NCOA2: variants seen among roughly 807,000 people sequenced by gnomAD.
NCOA2 encodes the protein nuclear receptor coactivator 2, also known as class E basic helix-loop-helix protein 75.
In NCOA2, 21 loss-of-function variants were observed where a neutral mutation model predicts 145.1. The ratio of observed to expected loss-of-function variants is 0.14; its 90% CI spans 0.10 to 0.21. The LOEUF (loss-of-function observed/expected upper bound fraction) is 0.21. Among genes scored for constraint, NCOA2 ranks in the 10% least tolerant of loss-of-function variants. The pLI, the probability that NCOA2 is intolerant of heterozygous loss-of-function variation, is 1.00. For synonymous variants in NCOA2, 619 were observed against 637.5 expected, an observed-to-expected ratio of 0.97 and a Z score of 0.44; for missense variants, 1,472 against 1,837.6, an observed-to-expected ratio of 0.80 and a Z score of 3.64.
intron 1 of NCOA2, among the ~76,000 whole-genome samples, chr8:70,401,098 C>T (rs1338671856): frequency 6.6e-6 from 1 of 151,034 alleles, no homozygotes; most frequent in South Asian, 2.1e-4. Flanking sequence ...AACACACACA[C>T]ACATACACAC....
At chr8:70,128,300 A>G in intron 18 of NCOA2, 133 bp downstream of exon 18, 1 of 695,346 alleles carries the variant, frequency 1.4e-6, no homozygotes, top group Non-Finnish European at 2.5e-6. Flanking sequence ...CTAGTAGGTA[A>G]CTAGATGACA....
rs181852976 is a variant in NCOA2 at position 70,185,903 on chromosome 8, T to G, written c.260-11044A>C. Among the ~76,000 whole-genome samples the G allele has an allele frequency of 3.8e-3, 572 of 152,332 alleles. 4 individuals carry two copies. The highest frequency in any genetic ancestry group is 0.013 in the African/African-American group (527 of 41,584). On this transcript the variant is annotated intron_variant, in intron 4 of 22. Coordinates refer to ENST00000452400, the MANE Select transcript of NCOA2 (RefSeq NM_006540.4). ...GGCAGAGTTTACCATTTCTTGTGAT[T>G]CTCCAACTGCCATTATTTGTTGTGT...
chr8:70,200,768 T>C (rs1180932775), intron 4 of NCOA2, among the ~76,000 whole-genome samples: 2 of 152,070 alleles, frequency 1.3e-5, no homozygotes, highest in Non-Finnish European at 2.9e-5. Flanking sequence ...AAAATGTGAA[T>C]GTAAGGCCAG....
intron 1 of NCOA2, among the ~76,000 whole-genome samples, chr8:70,356,883 A>G (rs1211615716): frequency 1.3e-5 from 2 of 152,236 alleles, no homozygotes; most frequent in African/African-American, 4.8e-5. Flanking sequence ...ATAACAGGGA[A>G]CATCATTAAT....
At chr8:70,393,676 C>T (rs969657021) in intron 1 of NCOA2, among the ~76,000 whole-genome samples, 6 of 152,210 alleles carry the variant, frequency 3.9e-5, no homozygotes, top group African/African-American at 1.2e-4. Flanking sequence ...AGGCCCAGTT[C>T]CTTCCTGCCC....
At chr8:70,244,976 A>G (rs1822488937) in intron 2 of NCOA2, 1 of 152,096 alleles carries the variant, frequency 6.6e-6, no homozygotes, top group African/African-American at 2.4e-5. Flanking sequence ...AACATTACCA[A>G]ATATTAAGTC....
At chr8:70,263,745 A>G (rs1824341238) in intron 2 of NCOA2, among the ~76,000 whole-genome samples, 1 of 152,010 alleles carries the variant, frequency 6.6e-6, no homozygotes, top group East Asian at 2.0e-4. Context: ...AAAACAAACA[A>G]ACAAAATCAC....
At chr8:70,449,460 C>A in the NCOA2 span, among the ~76,000 whole-genome samples, 857 of 152,280 alleles carry the variant, frequency 5.6e-3, 8 homozygotes, top group Non-Finnish European at 8.9e-3. Flanking sequence ...TATGCAGGAA[C>A]TCAAGGCTAG....
At chr8:70,427,566 G>A in the NCOA2 span, among the ~76,000 whole-genome samples, 3 of 152,110 alleles carry the variant, frequency 2.0e-5, no homozygotes, top group Non-Finnish European at 2.9e-5. Context: ...CAAATAGCTC[G>A]ATAACCTGCT....
chr8:70,440,280 G>GA, the NCOA2 span, among the ~76,000 whole-genome samples: 17 of 146,840 alleles, frequency 1.2e-4, no homozygotes, highest in South Asian at 2.2e-4. Flanking sequence ...CCGTCTCCAA[G>GA]AAAAAAAAAA....
chr8:70,367,059 C>T (rs1343495715), intron 1 of NCOA2, among the ~76,000 whole-genome samples: 1 of 152,226 alleles, frequency 6.6e-6, no homozygotes, highest in Non-Finnish European at 1.5e-5. Context: ...TCCTAAAGGA[C>T]AATAATAGCA....
At chr8:70,224,711 T>C (rs1820457607) in intron 2 of NCOA2, among the ~76,000 whole-genome samples, 1 of 151,970 alleles carries the variant, frequency 6.6e-6, no homozygotes, top group African/African-American at 2.4e-5. Context: ...GAGTCTTAGT[T>C]TTCACAGAAA....
chr8:70,212,745 A>G (rs1234621747), intron 4 of NCOA2, among the ~76,000 whole-genome samples: 4 of 152,150 alleles, frequency 2.6e-5, no homozygotes, highest in Non-Finnish European at 4.4e-5. Context: ...TATTATATAA[A>G]AGGCAGATTT....
At chr8:70,122,078 G>A (rs1807880286) in intron 21 of NCOA2, among the ~76,000 whole-genome samples, 4 of 152,166 alleles carry the variant, frequency 2.6e-5, no homozygotes, top group Admixed American at 2.0e-4. Context: ...TCATTGCTGA[G>A]CAGACTGGAC....
At chr8:70,291,594 T>A (rs1290296017) in intron 2 of NCOA2, among the ~76,000 whole-genome samples, 22 of 152,196 alleles carry the variant, frequency 1.4e-4, no homozygotes, top group Admixed American at 1.4e-3. Flanking sequence ...AAGACAGCAA[T>A]GCCATCATGC....
Position 70,156,963 on chromosome 8 carries a change from T to C in NCOA2, c.1402A>G (p.Asn468Asp). The change falls in exon 11 of 23, where the codon AAC becomes GAC. Residue 468 changes from asparagine (N) to aspartate (D), a missense_variant. Asn to Asp is a conservative substitution (Grantham distance 23). Coordinates refer to ENST00000452400, the MANE Select transcript of NCOA2 (RefSeq NM_006540.4). ...CCAGGGCTGCTTTGTGAGGGGCTGT[T>C]CATTTTGAGTGCATAGTTACTACCC... ...PQGSNYALKM[N>D]SPSQSSPGMN... The C allele has an allele frequency of 6.2e-7, 1 of 1,614,064 alleles. No homozygotes were observed. Among genetic ancestry groups the C allele is most frequent in the Non-Finnish European group, 8.5e-7 (1 of 1,179,898 alleles).
the NCOA2 span, among the ~76,000 whole-genome samples, chr8:70,451,090 C>A: frequency 1.3e-5 from 2 of 149,190 alleles, no homozygotes; most frequent in African/African-American, 4.9e-5. Flanking sequence ...TGGTGGCGGG[C>A]GCCTGTAGTC....
chr8:70,208,091 T>TA (rs902551119), intron 4 of NCOA2, among the ~76,000 whole-genome samples: 2 of 150,974 alleles, frequency 1.3e-5, no homozygotes, highest in Non-Finnish European at 3.0e-5. Context: ...TCTCTGAAAA[T>TA]AAAAAAATAA....
chr8:70,310,327 G>C (rs1828218960), intron 1 of NCOA2, among the ~76,000 whole-genome samples: 1 of 129,302 alleles, frequency 7.7e-6, no homozygotes, highest in Non-Finnish European at 1.6e-5. Flanking sequence ...CTGGGTGACA[G>C]AGCAAGACTC....
Sources: gnomAD v4.1 joint callset for allele counts (sites outside exome capture counted in the v4.1 genomes callset) on GRCh38, gnomAD v4.1.1 for gene constraint, MANE v1.5 for transcripts, NCBI Gene and HGNC (gene_info 2026-07-23, HGNC 2026-07-21) for gene names.